AIG1: variants seen among roughly 807,000 people sequenced by gnomAD.
AIG1 encodes androgen induced 1, also known as androgen-induced gene 1 protein.
Under a neutral mutation model 31.4 loss-of-function variants are expected in AIG1, and 23 were observed. That is an observed-to-expected ratio of 0.73 (90% CI 0.53 to 1.04). AIG1 has a LOEUF of 1.04. Ranked by LOEUF, AIG1 falls within the 50% of genes least tolerant of loss-of-function variation. AIG1 has a pLI of 0.00. For synonymous variants in AIG1, 100 were observed against 110.5 expected, an observed-to-expected ratio of 0.90 and a Z score of 0.60; for missense variants, 274 against 295.0, an observed-to-expected ratio of 0.93 and a Z score of 0.52.
chr6:143,226,234 C>CTATA (rs139363562), intron 3 of AIG1, among the ~76,000 whole-genome samples: 12,668 of 145,668 alleles, frequency 0.087, 565 homozygotes, highest in South Asian at 0.16. Context: ...TTCTTCTTAA[C>CTATA]TATATATATA....
At position 143,334,621 on chromosome 6, in the gene AIG1, T is replaced by C. The variant is rs116671063; in HGVS notation, c.679+1176T>C. Among the ~76,000 whole-genome samples the C allele has an allele frequency of 5.6e-3, 854 of 152,366 alleles. 2 individuals carry two copies. Among genetic ancestry groups the C allele is most frequent in the African/African-American group, 0.019 (770 of 41,586 alleles). ...GAACAAGACACTAATCTTTTAATAA[T>C]GTTCCACCTGTTCAATGGAAATAGT... On this transcript the variant is annotated intron_variant, in intron 5 of 5. Transcript: ENST00000357847. This position sits in a 1 kb window ranked among gnomAD's most constrained non-coding sequence, Gnocchi z 5.1.
chr6:143,186,325 C>T (rs569843562), intron 3 of AIG1, among the ~76,000 whole-genome samples: 1 of 152,260 alleles, frequency 6.6e-6, no homozygotes, highest in South Asian at 2.1e-4. Flanking sequence ...ATGTTTTTCT[C>T]CTATTGTTTT....
intron 1 of AIG1, among the ~76,000 whole-genome samples, chr6:143,082,671 G>A (rs890216224): frequency 1.3e-5 from 2 of 152,188 alleles, no homozygotes; most frequent in African/African-American, 2.4e-5. Context: ...TGAGGCCAAC[G>A]CTTTGCCACT....
intron 2 of AIG1, among the ~76,000 whole-genome samples, chr6:143,138,535 A>AT (rs776543026): frequency 6.6e-5 from 10 of 152,098 alleles, no homozygotes; most frequent in Non-Finnish European, 1.5e-4. Flanking sequence ...CTCCCTTGGA[A>AT]TTTCTATAGC....
At position 143,325,389 on chromosome 6, in the gene AIG1, T is replaced by C. The variant is rs181043516; in HGVS notation, c.516-7893T>C. 1.3e-5 allele frequency among the ~76,000 whole-genome samples: 2 copies of C among 152,354 alleles called. No individual in the cohort carries two copies. The highest frequency in any genetic ancestry group is 1.3e-4 in the Admixed American group (2 of 15,294). On this transcript the variant is annotated intron_variant, in intron 4 of 5. Coordinates refer to ENST00000357847, the MANE Select transcript of AIG1 (RefSeq NM_016108.4). This position sits in a 1 kb window ranked among gnomAD's most constrained non-coding sequence, Gnocchi z 4.3. ...AATCTTCTTTTGCCAATGAACTTGATACCTGTATTGCCAAATCAGTCCTTT... is the reference window on the plus strand; with the variant it reads ...AATCTTCTTTTGCCAATGAACTTGACACCTGTATTGCCAAATCAGTCCTTT...
At chr6:143,124,970 A>C (rs1203552662) in intron 1 of AIG1, among the ~76,000 whole-genome samples, 1 of 152,178 alleles carries the variant, frequency 6.6e-6, no homozygotes, top group Non-Finnish European at 1.5e-5. Context: ...ATCAGGTCTG[A>C]AGCCCATCTT....
chr6:143,343,001 G>A (rs1777885708), downstream of AIG1: 2 of 933,824 alleles, frequency 2.1e-6, no homozygotes, highest in South Asian at 1.3e-5. Context: ...CTATCTGCAG[G>A]TGTTATTTCC....
chr6:143,205,720 C>A (rs1162375592), intron 3 of AIG1, among the ~76,000 whole-genome samples: 2 of 152,160 alleles, frequency 1.3e-5, no homozygotes, highest in Non-Finnish European at 2.9e-5. Context: ...TTGTATATGT[C>A]TGTGGTGCTA....
intron 3 of AIG1, chr6:143,189,200 C>T (rs1789559051): frequency 2.5e-6 from 1 of 406,264 alleles, no homozygotes; most frequent in Non-Finnish European, 3.3e-6. Flanking sequence ...TGGACCACCA[C>T]CCCTGGCTAC....
At chr6:143,308,651 T>C (rs1036606465) in intron 4 of AIG1, among the ~76,000 whole-genome samples, 28 of 152,228 alleles carry the variant, frequency 1.8e-4, no homozygotes, top group African/African-American at 6.3e-4. Flanking sequence ...AATAATGTAC[T>C]CAGACTTAAC....
chr6:143,061,419 C>G, intron 1 of AIG1: 1 of 404,152 alleles, frequency 2.5e-6, no homozygotes, highest in South Asian at 1.8e-5. Context: ...CGGACCTGAT[C>G]CTGAATGGCC....
intron 3 of AIG1, among the ~76,000 whole-genome samples, chr6:143,165,418 T>G (rs112799152): frequency 5.3e-5 from 8 of 152,292 alleles, no homozygotes; most frequent in African/African-American, 1.2e-4. Flanking sequence ...CACAGATTAT[T>G]AAGGTTGGTG....
chr6:143,184,320 G>A (rs938807356), intron 3 of AIG1, among the ~76,000 whole-genome samples: 20 of 152,176 alleles, frequency 1.3e-4, no homozygotes, highest in African/African-American at 4.3e-4. Flanking sequence ...CTCTTTCCAC[G>A]AAGATTTCAC....
intron 1 of AIG1, among the ~76,000 whole-genome samples, chr6:143,125,665 T>C (rs981559370): frequency 4.6e-5 from 7 of 152,196 alleles, no homozygotes; most frequent in Admixed American, 4.6e-4. Flanking sequence ...TATCCAGCAA[T>C]TGAGGGAACA....
intron 3 of AIG1, among the ~76,000 whole-genome samples, chr6:143,263,894 A>G (rs1197131335): frequency 1.3e-5 from 2 of 152,152 alleles, no homozygotes; most frequent in Non-Finnish European, 2.9e-5. Flanking sequence ...CTGAAGGAGA[A>G]TGTGTTTTAT....
intron 3 of AIG1, among the ~76,000 whole-genome samples, chr6:143,199,616 C>G (rs1466900077): frequency 6.6e-6 from 1 of 152,086 alleles, no homozygotes; most frequent in East Asian, 1.9e-4. Context: ...ATTATTTATT[C>G]TGCATGCATA....
intron 1 of AIG1, among the ~76,000 whole-genome samples, chr6:143,130,462 A>G (rs192442969): frequency 6.6e-6 from 1 of 151,990 alleles, no homozygotes; most frequent in African/African-American, 2.4e-5. Flanking sequence ...CACACCTGCA[A>G]TCCCAGCACT....
chr6:143,304,491 T>G (rs1172097681), intron 4 of AIG1, among the ~76,000 whole-genome samples: 3 of 152,098 alleles, frequency 2.0e-5, no homozygotes, highest in Admixed American at 2.0e-4. Flanking sequence ...AATCATGTGG[T>G]TTTTGTCTTT....
chr6:143,271,710 T>C (rs1005065108), intron 3 of AIG1, among the ~76,000 whole-genome samples: 23 of 152,240 alleles, frequency 1.5e-4, no homozygotes, highest in African/African-American at 5.5e-4. Flanking sequence ...TTAATGCTTC[T>C]ACATATTTTG....
Sources: allele counts gnomAD v4.1 joint callset (sites outside exome capture counted in the v4.1 genomes callset), GRCh38; gene constraint gnomAD v4.1.1; non-coding constraint Gnocchi (gnomAD v3.1); transcripts MANE v1.5; gene names NCBI Gene and HGNC (gene_info 2026-07-23, HGNC 2026-07-21).